RABGAP1L: variants seen among roughly 807,000 people sequenced by gnomAD.
The protein encoded by RABGAP1L is rab GTPase-activating protein 1-like.
Under a neutral mutation model 137.7 loss-of-function variants are expected in RABGAP1L, and 63 were observed. The ratio of observed to expected loss-of-function variants is 0.46; its 90% CI spans 0.37 to 0.56. RABGAP1L has a LOEUF of 0.56. RABGAP1L is among the 20% of genes least tolerant of loss of function. The pLI is 0.00. For missense variants in RABGAP1L, 1,095 were observed against 1,244.0 expected (o/e 0.88, Z 1.80); for synonymous variants, 431 against 433.7 (o/e 0.99, Z 0.08).
In RABGAP1L at chr1:174,534,662, C is replaced by G. The variant is rs182557096; in HGVS notation, c.1711-102713C>G. ...TGGTGTCATGTACCTATAATCGCAT[C>G]TACTCGGGAGGCTGAGGCAGGAGAA... On this transcript the variant is annotated intron_variant, in intron 13 of 25. Coordinates refer to ENST00000681986, the MANE Select transcript of RABGAP1L (RefSeq NM_001366446.1). Among the ~76,000 whole-genome samples, 1,023 of 150,282 alleles carry G rather than the reference C, an allele frequency of 6.8e-3. 1 individual carries two copies. Among genetic ancestry groups the G allele is most frequent in the Non-Finnish European group, 9.8e-3 (663 of 67,762 alleles).
intron 13 of RABGAP1L, among the ~76,000 whole-genome samples, chr1:174,493,948 A>ATATT (rs752373678): frequency 3.8e-4 from 57 of 151,778 alleles, no homozygotes; most frequent in Non-Finnish European, 7.2e-4. Flanking sequence ...TTTCACATTT[A>ATATT]TATTTGAACT....
intron 19 of RABGAP1L, among the ~76,000 whole-genome samples, chr1:174,840,827 TAA>T (rs5778818): frequency 2.4e-4 from 30 of 126,108 alleles, no homozygotes; most frequent in East Asian, 8.8e-4. Context: ...AAAAAAAAAA[TAA>T]AAAAAAAAAA....
intron 13 of RABGAP1L, among the ~76,000 whole-genome samples, chr1:174,483,415 CACTTAACATAGTG>C (rs1364267967): frequency 1.4e-4 from 22 of 152,326 alleles, no homozygotes; most frequent in African/African-American, 4.8e-4. Context: ...TGGCTTATTT[CACTTAACATAGTG>C]ACTTCACGTT....
chr1:174,267,104 C>T (rs1455704633), intron 7 of RABGAP1L, among the ~76,000 whole-genome samples: 1 of 152,104 alleles, frequency 6.6e-6, no homozygotes, highest in Non-Finnish European at 1.5e-5. Flanking sequence ...CTGTAATAAA[C>T]AAAAATTCCA....
chr1:174,462,394 T>A (rs980775627), intron 13 of RABGAP1L, among the ~76,000 whole-genome samples: 11 of 152,340 alleles, frequency 7.2e-5, no homozygotes, highest in South Asian at 4.1e-4. Context: ...ATGGTTTTTT[T>A]AAACAAATTT....
At chr1:174,842,699 A>G (rs995690829) in intron 19 of RABGAP1L, among the ~76,000 whole-genome samples, 1 of 152,168 alleles carries the variant, frequency 6.6e-6, no homozygotes, top group African/African-American at 2.4e-5. Context: ...GGTACATGGT[A>G]TGCTCATAAG....
intron 13 of RABGAP1L, among the ~76,000 whole-genome samples, chr1:174,426,302 A>G (rs1651945981): frequency 6.6e-6 from 1 of 152,232 alleles, no homozygotes; most frequent in Non-Finnish European, 1.5e-5. Flanking sequence ...TACTATAACT[A>G]GATTCTCTCA....
At chr1:174,701,014 C>G in intron 16 of RABGAP1L, 1 of 1,269,604 alleles carries the variant, frequency 7.9e-7, no homozygotes, top group South Asian at 1.3e-5. Context: ...ATTTGAAGTA[C>G]CTAATGGGCA....
intron 13 of RABGAP1L, among the ~76,000 whole-genome samples, chr1:174,601,527 A>T (rs867009151): frequency 6.6e-6 from 1 of 152,174 alleles, no homozygotes; most frequent in Non-Finnish European, 1.5e-5. Flanking sequence ...GGATAGCATT[A>T]GGAGAAATAC....
At chr1:174,202,980 C>G (rs905677505) in intron 1 of RABGAP1L, among the ~76,000 whole-genome samples, 11 of 152,036 alleles carry the variant, frequency 7.2e-5, no homozygotes, top group Admixed American at 5.9e-4. Flanking sequence ...GGTATTATTT[C>G]TTTTGCTGTG....
chr1:174,400,342 C>A (rs1648419401), intron 13 of RABGAP1L, among the ~76,000 whole-genome samples: 2 of 152,050 alleles, frequency 1.3e-5, no homozygotes. Context: ...AGTGTGCTTG[C>A]AATTGATTAA....
chr1:174,650,618 G>T (rs1192059759), intron 14 of RABGAP1L, among the ~76,000 whole-genome samples: 1 of 151,984 alleles, frequency 6.6e-6, no homozygotes, highest in Non-Finnish European at 1.5e-5. Flanking sequence ...TAGTTTATTT[G>T]TGTAGAGGTA....
At chr1:174,630,077 T>G (rs1673230551) in intron 13 of RABGAP1L, among the ~76,000 whole-genome samples, 1 of 151,114 alleles carries the variant, frequency 6.6e-6, no homozygotes, top group Non-Finnish European at 1.5e-5. Flanking sequence ...CATCAATACC[T>G]AATTTATTGA....
intron 18 of RABGAP1L, among the ~76,000 whole-genome samples, chr1:174,794,841 A>G (rs914413871): frequency 2.0e-5 from 3 of 152,166 alleles, no homozygotes; most frequent in African/African-American, 7.2e-5. Context: ...GCAGGTCAGA[A>G]GGTGTTTCCT....
In RABGAP1L at chr1:174,383,075, G is replaced by T. The variant is rs199521575; in HGVS notation, c.1560-10920G>T. Among the ~76,000 whole-genome samples the T allele has an allele frequency of 5.3e-5, 8 of 151,072 alleles. No homozygotes were observed. The South Asian group carries it at 1.3e-3, about 24-fold the overall frequency. The stretch of plus-strand genomic sequence containing the variant: ...TGTGAGGTGTCAGTGTGCCCCTGCT[G>T]GGGGGTGCCTCCCAGTTAGGCTGCT... On this transcript the variant is annotated intron_variant, in intron 12 of 25. Coordinates refer to ENST00000681986, the MANE Select transcript of RABGAP1L (RefSeq NM_001366446.1).
intron 13 of RABGAP1L, among the ~76,000 whole-genome samples, chr1:174,430,918 A>G (rs1288619181): frequency 6.6e-6 from 1 of 152,210 alleles, no homozygotes; most frequent in East Asian, 1.9e-4. Context: ...TTGCATTTCA[A>G]GCCAAGGTTT....
At chr1:174,765,107 G>A (rs998014504) in intron 18 of RABGAP1L, among the ~76,000 whole-genome samples, 2 of 152,156 alleles carry the variant, frequency 1.3e-5, no homozygotes, top group Admixed American at 6.5e-5. Context: ...AATTCCTCCC[G>A]TATTAGCAGG....
intron 19 of RABGAP1L, among the ~76,000 whole-genome samples, chr1:174,862,958 G>A (rs1481762910): frequency 6.6e-6 from 1 of 151,004 alleles, no homozygotes; most frequent in Admixed American, 6.6e-5. Flanking sequence ...GCAGTAGCTC[G>A]ATCTTGGCTC....
intron 13 of RABGAP1L, among the ~76,000 whole-genome samples, chr1:174,503,026 ATATG>A (rs1024847731): frequency 5.9e-5 from 9 of 152,302 alleles, no homozygotes; most frequent in African/African-American, 1.9e-4. Context: ...GCATACATAC[ATATG>A]TGAGTGCAGA....
Sources: gnomAD v4.1 joint callset for allele counts (sites outside exome capture counted in the v4.1 genomes callset) on GRCh38, gnomAD v4.1.1 for gene constraint, MANE v1.5 for transcripts, NCBI Gene and HGNC (gene_info 2026-07-23, HGNC 2026-07-21) for gene names.